Variants in FAR2 observed in about 807,000 individuals in gnomAD.
FAR2 encodes epididymis secretory protein Li 81.
In FAR2, 19 loss-of-function variants were observed where a neutral mutation model predicts 56.0. That is an observed-to-expected ratio of 0.34 (90% CI 0.24 to 0.50). The LOEUF (loss-of-function observed/expected upper bound fraction) is 0.50. Among genes scored for constraint, FAR2 ranks in the 20% least tolerant of loss-of-function variants. FAR2 has a pLI of 0.98. For synonymous variants in FAR2, 219 were observed against 218.8 expected (o/e 1.00, Z -0.01); for missense variants, 508 against 642.2 (o/e 0.79, Z 2.26).
rs117155410 is a variant in FAR2, at chr12:29,195,925, C to A, written c.-39+46518C>A. Among the ~76,000 whole-genome samples the A allele has an allele frequency of 6.4e-4, 98 of 152,230 alleles. No individual in the cohort carries two copies. The East Asian group carries it at 0.014, about 22-fold the overall frequency. ...TATGTCCATGTGTACACATTATTTA[C>A]TTCCCACTTATAAGTGAGAACATGC... On this transcript the variant is annotated intron_variant, in intron 1 of 11. Transcript: ENST00000536681.
intron 2 of FAR2, chr12:29,291,593 T>C (rs1382746738): frequency 2.6e-6 from 1 of 385,674 alleles, no homozygotes; most frequent in Non-Finnish European, 5.1e-6. Flanking sequence ...GGGTGTGCCC[T>C]AGTAATTTCT....
chr12:29,305,310 A>T (rs968826723), intron 4 of FAR2, among the ~76,000 whole-genome samples: 1 of 150,926 alleles, frequency 6.6e-6, no homozygotes, highest in African/African-American at 2.4e-5. Flanking sequence ...ATTTTTTTAC[A>T]TTTTTTTTGT....
At position 29,262,412 on chromosome 12, in the gene FAR2, C is replaced by T. The variant is rs1307507559; in HGVS notation, c.-38-8000C>T. Among the ~76,000 whole-genome samples the T allele has an allele frequency of 5.3e-5, 8 of 152,142 alleles. No homozygotes were observed. In the East Asian group the frequency reaches 1.3e-3, roughly 26 times the overall value. On this transcript the variant is annotated intron_variant, in intron 1 of 11. Coordinates refer to ENST00000536681, the MANE Select transcript of FAR2 (RefSeq NM_001271783.2). ...TTGAGAGACCCAGGCAGGCAGATCACCTGAGATCAGGAGTTCGAGACCAGC... is the reference window on the plus strand; with the variant it reads ...TTGAGAGACCCAGGCAGGCAGATCATCTGAGATCAGGAGTTCGAGACCAGC...
chr12:29,198,902 A>G (rs1487604886), intron 1 of FAR2, among the ~76,000 whole-genome samples: 3 of 152,116 alleles, frequency 2.0e-5, no homozygotes, highest in Non-Finnish European at 4.4e-5. Flanking sequence ...CTCTGCATTT[A>G]TCTATCTTCT....
chr12:29,184,396 A>C (rs1180558033), intron 1 of FAR2, among the ~76,000 whole-genome samples: 1 of 150,046 alleles, frequency 6.7e-6, no homozygotes, highest in Non-Finnish European at 1.5e-5. Context: ...GGTTCCTAAG[A>C]ACCATTGTAA....
intron 1 of FAR2, among the ~76,000 whole-genome samples, chr12:29,231,790 A>T (rs1947861789): frequency 6.6e-6 from 1 of 152,144 alleles, no homozygotes; most frequent in Non-Finnish European, 1.5e-5. Flanking sequence ...GGCAAACATA[A>T]TGTACACCTA....
chr12:29,254,805 T>C lies in FAR2; in HGVS notation c.-38-15607T>C, dbSNP rs151149060. Among the ~76,000 whole-genome samples the C allele has an allele frequency of 5.0e-3, 763 of 151,990 alleles. 27 individuals are homozygous for C. The East Asian group carries it at 0.071, about 14-fold the overall frequency. ...CATCTCTACTAAAAATACAAAATAT[T>C]AGCCTGGCATGGTGGTGGGCACCTC... On this transcript the variant is annotated intron_variant, in intron 1 of 11. Transcript: ENST00000536681.
intron 1 of FAR2, among the ~76,000 whole-genome samples, chr12:29,197,677 T>A (rs1034608679): frequency 2.0e-5 from 3 of 152,316 alleles, no homozygotes; most frequent in East Asian, 3.9e-4. Context: ...ATATATTTTT[T>A]AAATATCTAT....
At chr12:29,286,265 A>T (rs1305676364) in intron 2 of FAR2, among the ~76,000 whole-genome samples, 1 of 152,188 alleles carries the variant, frequency 6.6e-6, no homozygotes, top group East Asian at 1.9e-4. Context: ...GCCTATTCCT[A>T]CATCACAGAT....
intron 10 of FAR2, chr12:29,331,493 A>G (rs1949732080): frequency 1.3e-5 from 2 of 152,170 alleles, no homozygotes; most frequent in Admixed American, 1.3e-4. Flanking sequence ...CTCCAAGAAT[A>G]CCTAATACTT....
chr12:29,273,274 C>A (rs565855477), intron 2 of FAR2, among the ~76,000 whole-genome samples: 1 of 152,304 alleles, frequency 6.6e-6, no homozygotes, highest in Admixed American at 6.5e-5. Flanking sequence ...AGACTGCAGC[C>A]ACCTCTCCCC....
intron 1 of FAR2, among the ~76,000 whole-genome samples, chr12:29,187,077 T>C (rs35018848): frequency 0.041 from 6,286 of 152,244 alleles, 360 homozygotes; most frequent in African/African-American, 0.13. Context: ...TGTGAGCCAC[T>C]GCGCCCGGCC....
chr12:29,224,012 T>C (rs1947729346), intron 1 of FAR2: 1 of 152,204 alleles, frequency 6.6e-6, no homozygotes, highest in Non-Finnish European at 1.5e-5. Flanking sequence ...TTTACACTTT[T>C]CCTTGGTCTG....
intron 1 of FAR2, among the ~76,000 whole-genome samples, chr12:29,209,835 A>G (rs1189243985): frequency 6.6e-6 from 1 of 152,136 alleles, no homozygotes; most frequent in Non-Finnish European, 1.5e-5. Context: ...TACATACACT[A>G]ATTTTGTGAC....
chr12:29,173,080 C>A (rs1478054882), intron 1 of FAR2, among the ~76,000 whole-genome samples: 1 of 152,236 alleles, frequency 6.6e-6, no homozygotes, highest in African/African-American at 2.4e-5. Flanking sequence ...AGTAGCATGA[C>A]TTCTCTCCAA....
At chr12:29,246,118 T>G (rs1363874743) in intron 1 of FAR2, among the ~76,000 whole-genome samples, 1 of 152,058 alleles carries the variant, frequency 6.6e-6, no homozygotes, top group Non-Finnish European at 1.5e-5. Flanking sequence ...TCCTTTTTAC[T>G]ATCATGGTAC....
chr12:29,172,474 C>G (rs535922863), intron 1 of FAR2, among the ~76,000 whole-genome samples: 86 of 152,334 alleles, frequency 5.6e-4, no homozygotes, highest in African/African-American at 1.9e-3. Context: ...CCTCTCTGAA[C>G]CACTGAGGTT....
At chr12:29,307,535 G>A in intron 4 of FAR2, 123 bp from the exon 5 acceptor site, 5 of 947,010 alleles carry the variant, frequency 5.3e-6, no homozygotes, top group Middle Eastern at 3.3e-4. Flanking sequence ...GGTATCATGT[G>A]ACTGTTCTGA....
intron 1 of FAR2, among the ~76,000 whole-genome samples, chr12:29,251,697 G>C (rs1948214055): frequency 6.6e-6 from 1 of 152,110 alleles, no homozygotes; most frequent in African/African-American, 2.4e-5. Flanking sequence ...GAAACAACTA[G>C]AACTGCCTCT....
Sources: gnomAD v4.1 joint callset for allele counts (sites outside exome capture counted in the v4.1 genomes callset) on GRCh38, gnomAD v4.1.1 for gene constraint, MANE v1.5 for transcripts, NCBI Gene and HGNC (gene_info 2026-07-23, HGNC 2026-07-21) for gene names.